The following MICAL1 variants were observed in gnomAD, a reference collection of about 807,000 sequenced individuals.
The protein encoded by MICAL1 is microtubule associated monooxygenase, calponin and LIM domain containing 1.
A neutral mutation model predicts 131.8 loss-of-function variants in MICAL1; 95 were observed. That is an observed-to-expected ratio of 0.72 (90% CI 0.61 to 0.86). The LOEUF (loss-of-function observed/expected upper bound fraction) is 0.86. Among genes scored for constraint, MICAL1 ranks in the 40% least tolerant of loss-of-function variants. MICAL1 has a pLI of 0.00. For missense variants in MICAL1, 1,292 were observed against 1,380.6 expected, an observed-to-expected ratio of 0.94 and a Z score of 1.02; for synonymous variants, 546 against 554.2, an observed-to-expected ratio of 0.99 and a Z score of 0.21.
chr6:109,455,501 G>A lies in MICAL1; in HGVS notation c.-44+218C>T, dbSNP rs572390563. On this transcript the variant is annotated intron_variant, in intron 1 of 24. Transcript: ENST00000358807. This position sits in a 1 kb window ranked among gnomAD's most constrained non-coding sequence, Gnocchi z 4.7. ...TGAGAGGGGTGGAGCGGTCTGAAAG[G>A]ATGGAGAGGGAGCTGGACCGCGGGC... The A allele has an allele frequency of 1.6e-4, 26 of 158,860 alleles. No homozygotes were observed. The highest frequency in any genetic ancestry group is 7.8e-4 in the Admixed American group (12 of 15,308). 9.8% of individuals were successfully genotyped at this position (158,860 alleles called of 1,614,324 possible).
intron 16 of MICAL1, 41 bp downstream of exon 16, chr6:109,447,316 C>T (rs954893526): frequency 6.2e-7 from 1 of 1,613,332 alleles, no homozygotes; most frequent in Non-Finnish European, 8.5e-7. Context: ...CCTGCCCTGC[C>T]CTCCCCGGGC....
chr6:109,447,959 A>G lies in MICAL1; in HGVS notation c.1860T>C (p.Pro620=), dbSNP rs772202100. 6.2e-7 allele frequency: 1 copy of G among 1,607,674 alleles called. No homozygotes were observed. Among genetic ancestry groups the G allele is most frequent in the Non-Finnish European group, 8.5e-7 (1 of 1,176,750 alleles). Reference sequence around the variant, plus strand: ...AGGTCCCTGGGGAGGCCTGGCTGACAGGGCCTGCGGGGAGAGCCAGGGCAT... The same window carrying G: ...AGGTCCCTGGGGAGGCCTGGCTGACGGGGCCTGCGGGGAGAGCCAGGGCAT... The part of the protein sequence containing the change: ...AFKSMAHSPG[P]VSQASPGTSS... Residue 620 remains proline, a synonymous_variant, in exon 14 of 25, where the codon CCT becomes CCC. Coordinates refer to ENST00000358807, the MANE Select transcript of MICAL1 (RefSeq NM_022765.4).
In MICAL1 at chr6:109,447,981, G is replaced by T; in HGVS notation, c.1856-18C>A. Reference sequence around the variant, plus strand: ...GACAGGGCCTGCGGGGAGAGCCAGGGCATCAGTGTGGATGGGGGGTGCCAA... The same window carrying T: ...GACAGGGCCTGCGGGGAGAGCCAGGTCATCAGTGTGGATGGGGGGTGCCAA... On this transcript the variant is annotated intron_variant, in intron 13 of 24. Coordinates refer to ENST00000358807, the MANE Select transcript of MICAL1 (RefSeq NM_022765.4). The T allele has an allele frequency of 6.3e-7, 1 of 1,590,294 alleles. No homozygotes were observed. The highest frequency in any genetic ancestry group is 8.6e-7 in the Non-Finnish European group (1 of 1,167,742).
upstream of MICAL1, among the ~76,000 whole-genome samples, chr6:109,458,574 C>T (rs1775813533): frequency 6.6e-6 from 1 of 152,070 alleles, no homozygotes; most frequent in African/African-American, 2.4e-5. Flanking sequence ...CCAGCCTGGG[C>T]AACGAGGGTG....
chr6:109,445,732 G>A (rs1456263741), intron 20 of MICAL1, 39 bp downstream of exon 20: 3 of 1,590,004 alleles, frequency 1.9e-6, no homozygotes, highest in East Asian at 2.3e-5. Flanking sequence ...CCTGTAGTGG[G>A]CTGGAGAGCG....
upstream of MICAL1, among the ~76,000 whole-genome samples, chr6:109,458,137 ACT>A (rs1775803495): frequency 6.6e-6 from 1 of 151,314 alleles, no homozygotes; most frequent in Non-Finnish European, 1.5e-5. Flanking sequence ...AAAAAAAAAA[ACT>A]CTATTAAAGC....
At chr6:109,445,036 C>T (rs1775145683) in intron 22 of MICAL1, 41 bp from the exon 23 acceptor site, 1 of 1,603,426 alleles carries the variant, frequency 6.2e-7, no homozygotes, top group Non-Finnish European at 8.5e-7. Flanking sequence ...AGGAGGCTTC[C>T]AGCCAGCACC....
chr6:109,464,148 T>C (rs1775976811), intron 1 of MICAL1: 3 of 152,176 alleles, frequency 2.0e-5, no homozygotes, highest in Admixed American at 2.0e-4. Flanking sequence ...GGCTTAACAG[T>C]GTTTGTAAAA....
chr6:109,448,417 C>G, intron 12 of MICAL1, 24 bp from the exon 13 acceptor site: 4 of 1,610,632 alleles, frequency 2.5e-6, no homozygotes, highest in Non-Finnish European at 3.4e-6. Flanking sequence ...GGGAGAAAAG[C>G]CAACTAGAGA....
At chr6:109,460,027 C>G (rs1243112254), upstream of MICAL1, among the ~76,000 whole-genome samples, 1 of 152,168 alleles carries the variant, frequency 6.6e-6, no homozygotes, top group Non-Finnish European at 1.5e-5. Context: ...TAAAAGTTCT[C>G]TATCCTGACC....
rs758036265 is a variant in MICAL1 at position 109,454,070 on chromosome 6, C to G, written c.127G>C (p.Gly43Arg). ...LCGALGLEPG[G>R]GLPQYHKIKD... Reference sequence around the variant, plus strand: ...ATCTTGTGGTACTGGGGCAGCCCCCCACCGGGTTCCAGCCCCAGGGCCCCA... The same window carrying G: ...ATCTTGTGGTACTGGGGCAGCCCCCGACCGGGTTCCAGCCCCAGGGCCCCA... Residue 43 changes from glycine to arginine, a missense_variant, in exon 2 of 25, where the codon GGG (glycine) becomes CGG (arginine). By Grantham distance (125) the Gly-to-Arg change is moderately radical. Transcript: ENST00000358807. 2.2e-5 allele frequency: 36 copies of G among 1,614,006 alleles called. No homozygotes were observed. The East Asian group carries it at 4.7e-4, about 21-fold the overall frequency.
Position 109,444,288 on chromosome 6 carries a change from T to C in MICAL1, c.3107A>G (p.Lys1036Arg). The change falls in exon 25 of 25, where the codon AAG (lysine) becomes AGG (arginine). Residue 1036 changes from lysine to arginine, a missense_variant. Transcript: ENST00000358807. ...DRQAEDQVLRKLVDLVNQRDA... is the reference protein window; with the variant it reads ...DRQAEDQVLRRLVDLVNQRDA... The stretch of plus-strand genomic sequence containing the variant: ...TCTCTGGTTGACCAAATCCACCAGC[T>C]TCCTCAGGACCTGGTCCTCAGCCTG... 3 of 1,613,546 alleles carry C rather than the reference T, an allele frequency of 1.9e-6. No homozygotes were observed. The highest frequency in any genetic ancestry group is 1.7e-6 in the Non-Finnish European group (2 of 1,180,018).
At chr6:109,446,631 C>T (rs1185558958) in intron 18 of MICAL1, 65 bp downstream of exon 18, 39 of 1,546,354 alleles carry the variant, frequency 2.5e-5, no homozygotes, top group Non-Finnish European at 3.2e-5. Context: ...CAGCAAAGCG[C>T]TGGTTTGACG....
intron 11 of MICAL1, chr6:109,449,187 C>CT: frequency 1.4e-6 from 1 of 699,426 alleles, no homozygotes; most frequent in Non-Finnish European, 2.5e-6. Context: ...GGTTCAAACA[C>CT]TAACGCGCTT....
upstream of MICAL1, among the ~76,000 whole-genome samples, chr6:109,457,420 A>G (rs1157297529): frequency 6.6e-6 from 1 of 152,134 alleles, no homozygotes; most frequent in East Asian, 1.9e-4. Flanking sequence ...ATTCAAAATG[A>G]TGCGTGAAAG....
chr6:109,455,901 G>C, upstream of MICAL1: 1 of 985,522 alleles, frequency 1.0e-6, no homozygotes, highest in Non-Finnish European at 1.2e-6. The surrounding 1 kb of genome is among the most constrained non-coding windows in gnomAD (Gnocchi z 4.7). Context: ...CGAGGGGCGC[G>C]GGGCGCCGCC....
In MICAL1 at chr6:109,448,784, C is replaced by A. The variant is rs199690907; in HGVS notation, c.1612G>T (p.Ala538Ser). 81 of 1,614,124 alleles carry A rather than the reference C, an allele frequency of 5.0e-5. No homozygotes were observed. The highest frequency in any genetic ancestry group is 6.4e-5 in the Non-Finnish European group (76 of 1,180,008). ...AGGGCACACAGAGCTAGCCCATCAG[C>A]CCAGGAGGAAGACAAATCGGAGACG... The part of the protein sequence containing the change: ...VHVSDLSSSW[A>S]DGLALCALVY... Residue 538 changes from alanine to serine, a missense_variant, in exon 12 of 25, where the codon GCT becomes TCT. By Grantham distance (99) the Ala-to-Ser change is moderately conservative (BLOSUM62 1). Transcript: ENST00000358807.
rs753262674 is a variant in MICAL1 at position 109,450,544 on chromosome 6, G to A, written c.947C>T (p.Thr316Ile). The A allele has an allele frequency of 2.5e-6, 4 of 1,609,414 alleles. No homozygotes were observed. The highest frequency in any genetic ancestry group is 1.7e-5 in the Admixed American group (1 of 59,912). ...LGVLRQDWPD[T>I]NRLLGSANVV... is the part of the protein sequence containing the mutation. ...ATTGGCACTGCCCAGCAGCCGATTG[G>A]TGTCTGGCCAGTCCTGTATGGTCAA... Residue 316 changes from threonine (T) to isoleucine (I), a missense_variant, in exon 8 of 25, where the codon ACC becomes ATC. Transcript: ENST00000358807.
At chr6:109,459,269 G>A (rs1775833339), upstream of MICAL1, among the ~76,000 whole-genome samples, 1 of 152,182 alleles carries the variant, frequency 6.6e-6, no homozygotes, top group Admixed American at 6.5e-5. Context: ...TTGATGCTAA[G>A]CTAAGGGTAC....
Sources: allele counts gnomAD v4.1 joint callset (sites outside exome capture counted in the v4.1 genomes callset), GRCh38; gene constraint gnomAD v4.1.1; non-coding constraint Gnocchi (gnomAD v3.1); transcripts MANE v1.5; gene names NCBI Gene and HGNC (gene_info 2026-07-23, HGNC 2026-07-21).